Variants in KLF12 observed in about 807,000 individuals in gnomAD.
KLF12 encodes the protein Krueppel-like factor 12.
A neutral mutation model predicts 37.8 loss-of-function variants in KLF12; 9 were observed. That is an observed-to-expected ratio of 0.24 (90% CI 0.14 to 0.42). The LOEUF is 0.42. KLF12 is among the 10% of genes least tolerant of loss of function. KLF12 has a pLI of 1.00. For synonymous variants in KLF12, 208 were observed against 202.1 expected (o/e 1.03, Z -0.25); for missense variants, 411 against 516.0 (o/e 0.80, Z 1.97).
chr13:73,934,763 A>C (rs572701239), intron 3 of KLF12, among the ~76,000 whole-genome samples: 27 of 151,946 alleles, frequency 1.8e-4, no homozygotes, highest in Non-Finnish European at 3.4e-4. Context: ...TTTCCATCCC[A>C]TCTGAAAAAT....
At chr13:74,074,520 T>G (rs753033813) in intron 1 of KLF12, among the ~76,000 whole-genome samples, 2 of 152,144 alleles carry the variant, frequency 1.3e-5, no homozygotes, top group Non-Finnish European at 2.9e-5. Context: ...CAGGTACCAT[T>G]CCAATGCTTG....
intron 2 of KLF12, among the ~76,000 whole-genome samples, chr13:73,965,541 C>A (rs1173353497): frequency 1.3e-5 from 2 of 152,098 alleles, no homozygotes; most frequent in East Asian, 1.9e-4. Context: ...AGCCAAAGAT[C>A]TTGCGCTTGT....
the KLF12 span, among the ~76,000 whole-genome samples, chr13:74,239,978 C>T: frequency 8.0e-5 from 12 of 150,552 alleles, no homozygotes; most frequent in Non-Finnish European, 1.3e-4. Context: ...GAATTTGATC[C>T]TGTCATTATG....
chr13:73,986,880 A>C (rs1891839742), intron 2 of KLF12, among the ~76,000 whole-genome samples: 2 of 152,174 alleles, frequency 1.3e-5, no homozygotes, highest in South Asian at 4.1e-4. Flanking sequence ...CAATACTTTG[A>C]GTTTAGCCCA....
intron 1 of KLF12, among the ~76,000 whole-genome samples, chr13:74,076,583 A>G (rs934336916): frequency 2.2e-4 from 34 of 152,174 alleles, no homozygotes; most frequent in Non-Finnish European, 4.1e-4. Context: ...TCATGGCCTA[A>G]TTACCTCTTA....
intron 4 of KLF12, among the ~76,000 whole-genome samples, chr13:73,843,352 T>A (rs1884846059): frequency 6.6e-6 from 1 of 152,044 alleles, no homozygotes; most frequent in South Asian, 2.1e-4. Context: ...TTGCCCAGGC[T>A]GAAGTGCAAT....
At chr13:74,150,503 A>T in the KLF12 span, among the ~76,000 whole-genome samples, 2 of 152,258 alleles carry the variant, frequency 1.3e-5, no homozygotes, top group African/African-American at 4.8e-5. Context: ...GTTCAACAGG[A>T]AAACTAGCAT....
chr13:73,728,404 T>C (rs559631587), intron 6 of KLF12, among the ~76,000 whole-genome samples: 2 of 152,340 alleles, frequency 1.3e-5, no homozygotes, highest in South Asian at 2.1e-4. Flanking sequence ...CAACTGCAAA[T>C]AGAGATAGCT....
intron 6 of KLF12, among the ~76,000 whole-genome samples, chr13:73,762,773 A>G (rs1879652394): frequency 6.6e-6 from 1 of 152,160 alleles, no homozygotes; most frequent in African/African-American, 2.4e-5. Flanking sequence ...TTTCAGGGCC[A>G]ATATTTCACT....
At chr13:74,019,436 A>G (rs1484488123) in intron 1 of KLF12, among the ~76,000 whole-genome samples, 1 of 152,224 alleles carries the variant, frequency 6.6e-6, no homozygotes, top group African/African-American at 2.4e-5. Context: ...TCAATACAAA[A>G]TTATAGAATT....
At chr13:74,053,644 T>C (rs529475300) in intron 1 of KLF12, among the ~76,000 whole-genome samples, 1 of 152,132 alleles carries the variant, frequency 6.6e-6, no homozygotes, top group African/African-American at 2.4e-5. Flanking sequence ...GAATAATGCT[T>C]TGCAAAGGTG....
chr13:73,886,711 G>A (rs188455497), intron 3 of KLF12, among the ~76,000 whole-genome samples: 2 of 152,272 alleles, frequency 1.3e-5, no homozygotes, highest in Admixed American at 1.3e-4. Flanking sequence ...AAAAGTATAG[G>A]CCAGGCACGG....
At chr13:73,922,969 T>C (rs1261164767) in intron 3 of KLF12, among the ~76,000 whole-genome samples, 3 of 152,242 alleles carry the variant, frequency 2.0e-5, no homozygotes, top group Non-Finnish European at 1.5e-5. Flanking sequence ...CGCCACAAAT[T>C]CGAAATCCAG....
At chr13:74,283,480 C>G in the KLF12 span, among the ~76,000 whole-genome samples, 1 of 152,180 alleles carries the variant, frequency 6.6e-6, no homozygotes, top group Admixed American at 6.5e-5. Flanking sequence ...ATCAATTCAT[C>G]TAGACAGGGT....
At chr13:74,258,511 TAATGTAAAACACTAAA>T in the KLF12 span, 1 of 152,226 alleles carries the variant, frequency 6.6e-6, no homozygotes, top group Non-Finnish European at 1.5e-5. Flanking sequence ...CAGGACTCAA[TAATGTAAAACACTAAA>T]AATTATATTT....
chr13:74,254,038 T>C, the KLF12 span, among the ~76,000 whole-genome samples: 2 of 152,242 alleles, frequency 1.3e-5, no homozygotes, highest in African/African-American at 4.8e-5. Flanking sequence ...TGTGTATTTG[T>C]TTTCTATTTA....
chr13:74,206,846 C>G, the KLF12 span, among the ~76,000 whole-genome samples: 1,086 of 152,262 alleles, frequency 7.1e-3, 11 homozygotes, highest in African/African-American at 0.022. Context: ...AGCCAGTCTT[C>G]AAGAGTTTCT....
At chr13:74,110,204 C>T (rs1005190354) in intron 1 of KLF12, among the ~76,000 whole-genome samples, 3 of 152,180 alleles carry the variant, frequency 2.0e-5, no homozygotes, top group African/African-American at 7.2e-5. Flanking sequence ...GCCCTATACA[C>T]ACCCAACACT....
At chr13:74,174,372 G>T in the KLF12 span, among the ~76,000 whole-genome samples, 2 of 119,550 alleles carry the variant, frequency 1.7e-5, no homozygotes, top group Non-Finnish European at 1.6e-5. Context: ...TCGCTCTGTT[G>T]CCCAGGCTGG....
Sources: allele counts gnomAD v4.1 joint callset (sites outside exome capture counted in the v4.1 genomes callset), GRCh38; gene constraint gnomAD v4.1.1; transcripts MANE v1.5; gene names NCBI Gene and HGNC (gene_info 2026-07-23, HGNC 2026-07-21).